ZNF780A: variants seen among roughly 807,000 people sequenced by gnomAD.
The protein encoded by ZNF780A is zinc finger protein 780A.
A neutral mutation model predicts 56.7 loss-of-function variants in ZNF780A; 40 were observed. That is an observed-to-expected ratio of 0.71 (90% CI 0.55 to 0.92). ZNF780A has a LOEUF of 0.92. ZNF780A is among the 40% of genes least tolerant of loss of function. The pLI, the probability that ZNF780A is intolerant of heterozygous loss-of-function variation, is 0.00. For missense variants in ZNF780A, 672 were observed against 783.3 expected (o/e 0.86, Z 1.70); for synonymous variants, 231 against 248.3 (o/e 0.93, Z 0.66).
chr19:40,080,154 TA>T (rs1184742615), intron 5 of ZNF780A, among the ~76,000 whole-genome samples: 8 of 152,088 alleles, frequency 5.3e-5, no homozygotes, highest in African/African-American at 1.9e-4. Flanking sequence ...ATTGAATTAG[TA>T]ATAAAATGTC....
At chr19:40,085,163 T>C in intron 2 of ZNF780A, 5 of 985,450 alleles carry the variant, frequency 5.1e-6, no homozygotes, top group Non-Finnish European at 6.0e-6. Flanking sequence ...CCTCCCCCAG[T>C]CCCACCTTTC....
chr19:40,080,328 C>G (rs1310741337), intron 5 of ZNF780A, among the ~76,000 whole-genome samples: 1 of 152,008 alleles, frequency 6.6e-6, no homozygotes, highest in African/African-American at 2.4e-5. Context: ...CAAAACCAGA[C>G]AAGGAAGAAA....
At chr19:40,077,913 A>G (rs1974238535) in intron 5 of ZNF780A, among the ~76,000 whole-genome samples, 1 of 151,822 alleles carries the variant, frequency 6.6e-6, no homozygotes, top group Non-Finnish European at 1.5e-5. Context: ...GAAACTTGAC[A>G]TCTCCACAGG....
rs1380557406 is a variant in ZNF780A at position 40,073,727 on chromosome 19, G to A, written c.*789C>T. 1.0e-6 allele frequency: 1 copy of A among 985,780 alleles called. No individual in the cohort carries two copies. The highest frequency in any genetic ancestry group is 1.2e-6 in the Non-Finnish European group (1 of 830,368). 61.1% of individuals were successfully genotyped at this position (985,780 alleles called of 1,614,324 possible). On this transcript the variant is annotated 3_prime_UTR_variant, in exon 6 of 6. Coordinates refer to ENST00000683561, the MANE Select transcript of ZNF780A (RefSeq NM_001142578.2). ...TACTCAGAAGTTGAGCAAATCCCAG[G>A]CCATGATGAAAGTTCTTCACACATT...
Position 40,074,173 on chromosome 19 carries a change from T to A in ZNF780A, c.*343A>T. 1 of 1,346,288 alleles carries A rather than the reference T, an allele frequency of 7.4e-7. No individual in the cohort carries two copies. Among genetic ancestry groups the A allele is most frequent in the Non-Finnish European group, 9.7e-7 (1 of 1,031,036 alleles). 83.4% of individuals were successfully genotyped at this position (1,346,288 alleles called of 1,614,324 possible). On this transcript the variant is annotated 3_prime_UTR_variant, in exon 6 of 6. Transcript: ENST00000683561. ...CCACTATTGAAGGCCTTCCCACATT[T>A]CTCAAATTCAAATGGCTTCTCGCCA...
In ZNF780A at chr19:40,074,661, A is replaced by T; in HGVS notation, c.1781T>A (p.Phe594Tyr). ...TCGAATAAGTTGCATATGAAGTCGA[A>T]AGGCTTTCCCACACTCCTTACATTC... is the stretch of plus-strand genomic sequence containing the variant. ...PFECKECGKA[F>Y]RLHMQLIRHQ... The change falls in exon 6 of 6, where the codon TTT becomes TAT. Residue 594 changes from phenylalanine to tyrosine, a missense_variant. By Grantham distance (22) the Phe-to-Tyr change is conservative. Coordinates refer to ENST00000683561, the MANE Select transcript of ZNF780A (RefSeq NM_001142578.2). The T allele has an allele frequency of 6.2e-7, 1 of 1,613,680 alleles. No individual in the cohort carries two copies. Among genetic ancestry groups the T allele is most frequent in the Non-Finnish European group, 8.5e-7 (1 of 1,179,742 alleles).
At chr19:40,089,328 C>G in intron 2 of ZNF780A, 1 of 1,340,084 alleles carries the variant, frequency 7.5e-7, no homozygotes, top group Non-Finnish European at 9.7e-7. Flanking sequence ...GAAAGAATTT[C>G]TGTCCTAGAT....
rs1974041495 is a variant in ZNF780A, at chr19:40,075,222, T to C, written c.1220A>G (p.His407Arg). The change falls in exon 6 of 6, where the codon CAT (histidine) becomes CGT (arginine). Residue 407 changes from histidine (H) to arginine (R), a missense_variant. Physicochemically the swap from His to Arg is conservative, Grantham distance 29 (BLOSUM62 0). Coordinates refer to ENST00000683561, the MANE Select transcript of ZNF780A (RefSeq NM_001142578.2). Reference sequence around the variant, plus strand: ...TTTTATACCAGCATGAATACTCTGATGTTGAACAAGGTTTGAGCTACGATT... The same window carrying C: ...TTTTATACCAGCATGAATACTCTGACGTTGAACAAGGTTTGAGCTACGATT... ...SFNRSSNLVQ[H>R]QSIHAGIKPY... is the part of the protein sequence containing the mutation. The C allele has an allele frequency of 1.9e-6, 3 of 1,613,438 alleles. No individual in the cohort carries two copies. The highest frequency in any genetic ancestry group is 1.3e-5 in the African/African-American group (1 of 74,720).
chr19:40,073,787 CT>C lies in ZNF780A; in HGVS notation c.*728del. ...TCACAAGATTTCTCATCAATATGAG[CT>C]CTCTGGTGTTGAGTAAATTTTTCGT... On this transcript the variant is annotated 3_prime_UTR_variant, in exon 6 of 6. Transcript: ENST00000683561. 1 of 987,222 alleles carries C rather than the reference CT, an allele frequency of 1.0e-6. No homozygotes were observed. The highest frequency in any genetic ancestry group is 1.2e-6 in the Non-Finnish European group (1 of 831,194). 61.2% of individuals were successfully genotyped at this position (987,222 alleles called of 1,614,324 possible).
At position 40,075,290 on chromosome 19, in the gene ZNF780A, T is replaced by C. The variant is rs755328266; in HGVS notation, c.1152A>G (p.Thr384=). Residue 384 remains threonine (T), a synonymous_variant, in exon 6 of 6, where the codon ACA becomes ACG. Coordinates refer to ENST00000683561, the MANE Select transcript of ZNF780A (RefSeq NM_001142578.2). ...NQLNRHKNIH[T]GEKPFECKEC... is the part of the protein sequence containing the mutation. ...CCTTACATTCAAACGGTTTTTCACC[T>C]GTGTGAATGTTCTTATGGCGATTAA... is the stretch of plus-strand genomic sequence containing the variant. 15 of 1,613,624 alleles carry C rather than the reference T, an allele frequency of 9.3e-6. No homozygotes were observed. The highest frequency in any genetic ancestry group is 1.2e-5 in the Non-Finnish European group (14 of 1,179,930).
chr19:40,089,617 T>TAC (rs5828058), intron 2 of ZNF780A, among the ~76,000 whole-genome samples: 3,731 of 147,970 alleles, frequency 0.025, 55 homozygotes, highest in African/African-American at 0.057. Flanking sequence ...CCTCTCACAG[T>TAC]ACACACACAC....
At chr19:40,088,666 A>G (rs1974955731) in intron 2 of ZNF780A, among the ~76,000 whole-genome samples, 1 of 152,226 alleles carries the variant, frequency 6.6e-6, no homozygotes, top group South Asian at 2.1e-4. Flanking sequence ...TCCAAAGGAA[A>G]TGAAATCTGT....
chr19:40,081,571 G>A (rs1974480161), intron 5 of ZNF780A, among the ~76,000 whole-genome samples: 2 of 151,800 alleles, frequency 1.3e-5, no homozygotes. Flanking sequence ...AAAAAAGAGG[G>A]AACTTACTCC....
chr19:40,082,729 C>T (rs1368646703), intron 4 of ZNF780A, among the ~76,000 whole-genome samples: 39 of 152,106 alleles, frequency 2.6e-4, no homozygotes, highest in Non-Finnish European at 8.8e-5. Context: ...CACTCTTCTC[C>T]TTACAGATGG....
At chr19:40,077,075 G>A (rs532566060) in intron 5 of ZNF780A, among the ~76,000 whole-genome samples, 7 of 152,064 alleles carry the variant, frequency 4.6e-5, no homozygotes, top group South Asian at 2.1e-4. Context: ...TCCAAACTAC[G>A]AGGAGGCCAA....
chr19:40,080,110 A>G (rs184088208), intron 5 of ZNF780A, among the ~76,000 whole-genome samples: 174 of 152,284 alleles, frequency 1.1e-3, no homozygotes, highest in African/African-American at 4.0e-3. Context: ...AGATCATCAA[A>G]ATAGAAAAGC....
chr19:40,073,410 T>A lies in ZNF780A; in HGVS notation c.*1106A>T, dbSNP rs1022816287. On this transcript the variant is annotated 3_prime_UTR_variant, in exon 6 of 6. Transcript: ENST00000683561. ...ATTACCAAAATGTGACATAAAGACA[T>A]GAAATGCACACCTGACGTTGGGAAA... is the stretch of plus-strand genomic sequence containing the variant. The A allele has an allele frequency of 2.2e-6, 1 of 459,018 alleles. No individual in the cohort carries two copies. The highest frequency in any genetic ancestry group is 2.2e-5 in the African/African-American group (1 of 46,350). 28.4% of individuals were successfully genotyped at this position (459,018 alleles called of 1,614,324 possible).
rs1973910873 is a variant in ZNF780A at position 40,073,452 on chromosome 19, T to C, written c.*1064A>G. The C allele has an allele frequency of 1.1e-6, 1 of 895,982 alleles. No homozygotes were observed. The highest frequency in any genetic ancestry group is 1.8e-5 in the African/African-American group (1 of 54,746). The allele number at this position is 895,982 out of a possible 1,614,324, so 55.5% of individuals were successfully genotyped here. A position where few individuals can be genotyped will look rare whatever the true frequency, so the allele number is the denominator to read the frequency against. ...GTTGGGAAAATGGACCTGATCGTCT[T>C]GCTCACCACAGGGTTGCCACAAACC... is the stretch of plus-strand genomic sequence containing the variant. On this transcript the variant is annotated 3_prime_UTR_variant, in exon 6 of 6. Coordinates refer to ENST00000683561, the MANE Select transcript of ZNF780A (RefSeq NM_001142578.2).
At chr19:40,080,894 T>G (rs1974435790) in intron 5 of ZNF780A, among the ~76,000 whole-genome samples, 3 of 152,108 alleles carry the variant, frequency 2.0e-5, no homozygotes, top group Admixed American at 2.0e-4. Context: ...CCGTATGTGA[T>G]AGAATGAAAC....
Sources: allele counts gnomAD v4.1 joint callset (sites outside exome capture counted in the v4.1 genomes callset), GRCh38; gene constraint gnomAD v4.1.1; transcripts MANE v1.5; gene names NCBI Gene and HGNC (gene_info 2026-07-23, HGNC 2026-07-21).